ONECUT3: variants seen among roughly 807,000 people sequenced by gnomAD.
The protein encoded by ONECUT3 is one cut homeobox 3, also known as one cut domain family member 3.
ONECUT3 carries 11 observed loss-of-function variants against 16.8 expected under a neutral mutation model. The ratio of observed to expected loss-of-function variants is 0.66; its 90% CI spans 0.41 to 1.09. The LOEUF is 1.09. ONECUT3 is among the 50% of genes least tolerant of loss of function. ONECUT3 has a pLI of 0.00. For missense variants in ONECUT3, 637 were observed against 629.9 expected (o/e 1.01, Z -0.12); for synonymous variants, 344 against 310.7 (o/e 1.11, Z -1.13).
rs2068139467 is a variant in ONECUT3, at chr19:1,779,530, AT to A, written c.*4088del. 6.6e-6 allele frequency: 1 copy of A among 151,632 alleles called. No individual in the cohort carries two copies. The highest frequency in any genetic ancestry group is 2.4e-5 in the African/African-American group (1 of 41,242). 9.4% of individuals were successfully genotyped at this position (151,632 alleles called of 1,614,324 possible). A position where few individuals can be genotyped will look rare whatever the true frequency, so the allele number is the denominator to read the frequency against. Reference sequence around the variant, plus strand: ...TTCTGGAGTCATGTCTTATAAGAGTATTTATTATTCTCTGTGTTCTGTGTTC... The same window carrying A: ...TTCTGGAGTCATGTCTTATAAGAGTATTATTATTCTCTGTGTTCTGTGTTC... On this transcript the variant is annotated 3_prime_UTR_variant, in exon 2 of 2. Transcript: ENST00000382349.
intron 1 of ONECUT3, among the ~76,000 whole-genome samples, chr19:1,757,838 CCAACGCTG>C (rs1309897790): frequency 2.0e-5 from 3 of 152,178 alleles, no homozygotes; most frequent in Admixed American, 6.5e-5. Flanking sequence ...CGGCGACGCC[CCAACGCTG>C]GTGCTCGGAA....
At position 1,779,592 on chromosome 19, in the gene ONECUT3, CA is replaced by C. The variant is rs372834095; in HGVS notation, c.*4157del. On this transcript the variant is annotated 3_prime_UTR_variant, in exon 2 of 2. Transcript: ENST00000382349. Reference sequence around the variant, plus strand: ...TAAGAAAAAAAAAGGAAGAAAAATGCAAAAAAAAAAGACAAAATGGAATTTG... The same window carrying C: ...TAAGAAAAAAAAAGGAAGAAAAATGCAAAAAAAAAGACAAAATGGAATTTG... 173 of 134,018 alleles carry C rather than the reference CA, an allele frequency of 1.3e-3. 3 individuals are homozygous for C. The highest frequency in any genetic ancestry group is 7.1e-4 in the Non-Finnish European group (45 of 63,572). The allele number at this position is 134,018 out of a possible 1,614,324, so 8.3% of individuals were successfully genotyped here.
chr19:1,761,462 AAAATAT>A (rs1472569211), intron 1 of ONECUT3, among the ~76,000 whole-genome samples: 3 of 152,178 alleles, frequency 2.0e-5, no homozygotes, highest in African/African-American at 7.2e-5. Flanking sequence ...CCAGAGCCCT[AAAATAT>A]AAATGTGGTT....
At chr19:1,756,816 G>A (rs2067918785) in intron 1 of ONECUT3, among the ~76,000 whole-genome samples, 1 of 150,172 alleles carries the variant, frequency 6.7e-6, no homozygotes. Context: ...CCAAAGTGCT[G>A]GGATTACACA....
intron 1 of ONECUT3, among the ~76,000 whole-genome samples, chr19:1,763,075 C>G (rs368740701): frequency 6.6e-6 from 1 of 151,672 alleles, no homozygotes; most frequent in East Asian, 1.9e-4. Context: ...TTAAATTAGC[C>G]AGATGTGGCC....
intron 1 of ONECUT3, among the ~76,000 whole-genome samples, chr19:1,765,722 C>A (rs879407021): frequency 1.3e-5 from 2 of 152,212 alleles, no homozygotes; most frequent in Admixed American, 1.3e-4. Flanking sequence ...ACTGCGTCCA[C>A]TTGATAAACC....
intron 1 of ONECUT3, among the ~76,000 whole-genome samples, chr19:1,765,811 T>C (rs7247016): frequency 0.86 from 130,801 of 152,196 alleles, 56,459 homozygotes; most frequent in African/African-American, 0.93. Context: ...TCCCCATGGC[T>C]GCAGTGGTGA....
intron 1 of ONECUT3, among the ~76,000 whole-genome samples, chr19:1,773,319 G>A (rs2068074310): frequency 6.7e-6 from 1 of 149,284 alleles, no homozygotes; most frequent in African/African-American, 2.5e-5. Flanking sequence ...TTTCTAAAAT[G>A]TGCAGTAACC....
Position 1,762,716 on chromosome 19 carries a change from C to T in ONECUT3, c.1192+7862C>T, listed in dbSNP as rs542915710. ...GTGCGGGCTCCGCAGGAAAGCGCAG[C>T]CCCCAGCAGGCACCCACCATCCCAC... On this transcript the variant is annotated intron_variant, in intron 1 of 1. Coordinates refer to ENST00000382349, the MANE Select transcript of ONECUT3 (RefSeq NM_001080488.2). This position sits in a 1 kb window ranked among gnomAD's most constrained non-coding sequence, Gnocchi z 4.4. Among the ~76,000 whole-genome samples the T allele has an allele frequency of 6.6e-6, 1 of 152,314 alleles. No homozygotes were observed. The highest frequency in any genetic ancestry group is 2.1e-4 in the South Asian group (1 of 4,832).
Position 1,753,986 on chromosome 19 carries a change from C to G in ONECUT3, c.324C>G (p.Leu108=), listed in dbSNP as rs1350472836. The G allele has an allele frequency of 9.0e-6, 9 of 995,030 alleles. No individual in the cohort carries two copies. Among genetic ancestry groups the G allele is most frequent in the Non-Finnish European group, 1.1e-5 (9 of 837,502 alleles). 61.6% of individuals were successfully genotyped at this position (995,030 alleles called of 1,614,324 possible). Residue 108 remains leucine, a synonymous_variant, in exon 1 of 2, where the codon CTC becomes CTG. Transcript: ENST00000382349. ...APGLGGTYTT[L]TPLQHLPPLA... ...GCCTGGGCGGCACCTACACGACGCT[C>G]ACGCCCCTGCAGCACCTGCCGCCGC...
intron 1 of ONECUT3, among the ~76,000 whole-genome samples, chr19:1,760,515 C>G (rs2067941041): frequency 6.6e-6 from 1 of 152,090 alleles, no homozygotes. Context: ...CTCCCCACCC[C>G]ACAGGAGCCA....
In ONECUT3 at chr19:1,762,238, G is replaced by A. The variant is rs752712368; in HGVS notation, c.1192+7384G>A. On this transcript the variant is annotated intron_variant, in intron 1 of 1. Coordinates refer to ENST00000382349, the MANE Select transcript of ONECUT3 (RefSeq NM_001080488.2). The surrounding 1 kb of genome is among the most constrained non-coding windows in gnomAD (Gnocchi z 4.4). ...GTGCCTTCCGCGCGCCCCCAGCTGC[G>A]CCCGCCAGCCCTCCAACCCTCCTGC... Among the ~76,000 whole-genome samples the A allele has an allele frequency of 5.3e-5, 8 of 152,092 alleles. No homozygotes were observed. Among genetic ancestry groups the A allele is most frequent in the Non-Finnish European group, 7.4e-5 (5 of 68,008 alleles).
chr19:1,767,440 C>T (rs1688014201), intron 1 of ONECUT3, among the ~76,000 whole-genome samples: 1 of 152,184 alleles, frequency 6.6e-6, no homozygotes, highest in South Asian at 2.1e-4. Flanking sequence ...CTGTCCCCAG[C>T]AACTTTTAGA....
Position 1,755,492 on chromosome 19 carries a change from G to A in ONECUT3, c.1192+638G>A, listed in dbSNP as rs1311890511. On this transcript the variant is annotated intron_variant, in intron 1 of 1. Transcript: ENST00000382349. This position sits in a 1 kb window ranked among gnomAD's most constrained non-coding sequence, Gnocchi z 7.5. The stretch of plus-strand genomic sequence containing the variant: ...CTGGCAAAGGTCACCCGAGAATGGC[G>A]GGGGAGGGGCGGCCCCGGGGACCCT... Among the ~76,000 whole-genome samples the A allele has an allele frequency of 6.6e-6, 1 of 152,038 alleles. No homozygotes were observed. The highest frequency in any genetic ancestry group is 2.1e-4 in the South Asian group (1 of 4,816).
At position 1,779,257 on chromosome 19, in the gene ONECUT3, G is replaced by A. The variant is rs1404803953; in HGVS notation, c.*3812G>A. 2 of 152,226 alleles carry A rather than the reference G, an allele frequency of 1.3e-5. No homozygotes were observed. Among genetic ancestry groups the A allele is most frequent in the Admixed American group, 1.3e-4 (2 of 15,278 alleles). 9.4% of individuals were successfully genotyped at this position (152,226 alleles called of 1,614,324 possible). On this transcript the variant is annotated 3_prime_UTR_variant, in exon 2 of 2. Coordinates refer to ENST00000382349, the MANE Select transcript of ONECUT3 (RefSeq NM_001080488.2). ...GCATGTCGTTTCTTTGACGAGTTCC[G>A]TGGGAGACGCATTGAATGTCAGGGC...
At chr19:1,763,804 G>C (rs113205644) in intron 1 of ONECUT3, among the ~76,000 whole-genome samples, 7 of 150,110 alleles carry the variant, frequency 4.7e-5, no homozygotes, top group African/African-American at 1.7e-4. Context: ...TCAGATCCGT[G>C]AAGCGCGCAT....
intron 1 of ONECUT3, among the ~76,000 whole-genome samples, chr19:1,771,889 A>T (rs1467733451): frequency 6.6e-6 from 1 of 152,130 alleles, no homozygotes; most frequent in Non-Finnish European, 1.5e-5. Context: ...ATATTCTCCA[A>T]GCTGCTCTCA....
At chr19:1,756,317 C>T (rs1030461174) in intron 1 of ONECUT3, among the ~76,000 whole-genome samples, 1 of 152,148 alleles carries the variant, frequency 6.6e-6, no homozygotes, top group East Asian at 1.9e-4. Context: ...CTTTGGGGCA[C>T]GGGAAAATAA....
At chr19:1,760,179 G>A (rs532938755) in intron 1 of ONECUT3, among the ~76,000 whole-genome samples, 4 of 152,228 alleles carry the variant, frequency 2.6e-5, no homozygotes, top group Non-Finnish European at 5.9e-5. Context: ...AGAGAAAGGC[G>A]CTTGCCAGAG....
Sources: allele counts gnomAD v4.1 joint callset (sites outside exome capture counted in the v4.1 genomes callset), GRCh38; gene constraint gnomAD v4.1.1; non-coding constraint Gnocchi (gnomAD v3.1); transcripts MANE v1.5; gene names NCBI Gene and HGNC (gene_info 2026-07-23, HGNC 2026-07-21).